The following SLC17A5 variants were observed in gnomAD, a reference collection of about 807,000 sequenced individuals.
SLC17A5 encodes the protein solute carrier family 17 member 5, also known as sialin.
A neutral mutation model predicts 59.4 loss-of-function variants in SLC17A5; 47 were observed. That is an observed-to-expected ratio of 0.79 (90% CI 0.63 to 1.01). The LOEUF (loss-of-function observed/expected upper bound fraction) is 1.01. Among genes scored for constraint, SLC17A5 ranks in the 50% least tolerant of loss-of-function variants. The probability of loss-of-function intolerance (pLI) is 0.00; values close to 1 mark genes in which losing one functional copy is unlikely to be tolerated. For missense variants in SLC17A5, 522 were observed against 595.5 expected (o/e 0.88, Z 1.28); for synonymous variants, 202 against 210.7 (o/e 0.96, Z 0.36).
At chr6:73,618,489 T>TG in intron 7 of SLC17A5, 1 of 487,188 alleles carries the variant, frequency 2.1e-6, no homozygotes, top group Non-Finnish European at 3.9e-6. Context: ...TCTTTACTCA[T>TG]GCACAAACAG....
chr6:73,598,153 A>G (rs1184565981), intron 10 of SLC17A5, among the ~76,000 whole-genome samples: 2 of 152,224 alleles, frequency 1.3e-5, no homozygotes, highest in African/African-American at 2.4e-5. Context: ...CTTAAAATCA[A>G]TCGTTGTACT....
At chr6:73,615,626 G>C (rs1767819502) in intron 7 of SLC17A5, among the ~76,000 whole-genome samples, 179 bp from the exon 8 acceptor site, 1 of 152,124 alleles carries the variant, frequency 6.6e-6, no homozygotes. Context: ...ATAGGGTTCA[G>C]TCCAAGGCAG....
intron 8 of SLC17A5, among the ~76,000 whole-genome samples, chr6:73,613,993 T>C (rs1229100534): frequency 6.6e-6 from 1 of 152,126 alleles, no homozygotes; most frequent in African/African-American, 2.4e-5. Context: ...GGGCTGGGTG[T>C]GGTGCCTCAC....
chr6:73,617,967 C>T (rs887261030), intron 7 of SLC17A5, among the ~76,000 whole-genome samples: 12 of 149,514 alleles, frequency 8.0e-5, no homozygotes, highest in African/African-American at 2.0e-4. Context: ...CATTGGCTCA[C>T]GTCTGTAATC....
intron 1 of SLC17A5, chr6:73,653,531 C>A: frequency 2.1e-6 from 2 of 946,966 alleles, no homozygotes; most frequent in East Asian, 1.2e-4. Flanking sequence ...CGCCCCCGCC[C>A]GGTGGGGCTG....
intron 10 of SLC17A5, among the ~76,000 whole-genome samples, chr6:73,596,355 G>A (rs1288937938): frequency 6.6e-6 from 1 of 152,082 alleles, no homozygotes; most frequent in Admixed American, 6.6e-5. Context: ...GAGAGGCCTG[G>A]CAAGTATAAA....
chr6:73,625,831 G>A (rs1768384178), intron 6 of SLC17A5, among the ~76,000 whole-genome samples: 1 of 152,262 alleles, frequency 6.6e-6, no homozygotes, highest in East Asian at 1.9e-4. Context: ...GTTGTGGGTG[G>A]GTGGGAGGTA....
At chr6:73,616,560 C>CAA (rs1767877919) in intron 7 of SLC17A5, among the ~76,000 whole-genome samples, 1 of 123,144 alleles carries the variant, frequency 8.1e-6, no homozygotes, top group African/African-American at 3.8e-5. Flanking sequence ...CACACACACA[C>CAA]ACACACACAC....
Position 73,638,452 on chromosome 6 carries a change from G to C in SLC17A5, c.573C>G (p.Pro191=), listed in dbSNP as rs924683894. 37 of 1,613,938 alleles carry C rather than the reference G, an allele frequency of 2.3e-5. No individual in the cohort carries two copies. The highest frequency in any genetic ancestry group is 3.1e-5 in the Non-Finnish European group (37 of 1,179,968). The change falls in exon 4 of 11, where the codon CCC becomes CCG. Residue 191 remains proline, a synonymous_variant. Coordinates refer to ENST00000355773, the MANE Select transcript of SLC17A5 (RefSeq NM_012434.5). The part of the protein sequence containing the change: ...AMHAMWSSWA[P]PLERSKLLSI... The stretch of plus-strand genomic sequence containing the variant: ...TAAGAAGTTTGCTTCTTTCAAGAGG[G>C]GGAGCCCAAGAAGACCACATGGCAT...
chr6:73,600,676 T>C (rs1319263838), intron 9 of SLC17A5, among the ~76,000 whole-genome samples: 1 of 151,970 alleles, frequency 6.6e-6, no homozygotes, highest in Non-Finnish European at 1.5e-5. Flanking sequence ...TAGTTTTGTA[T>C]TTTTAGTAGA....
intron 6 of SLC17A5, among the ~76,000 whole-genome samples, chr6:73,624,404 A>G (rs1292884194): frequency 6.6e-6 from 1 of 152,240 alleles, no homozygotes; most frequent in African/African-American, 2.4e-5. Context: ...ACTCTGTCTC[A>G]AAAAATAAAA....
chr6:73,599,541 C>T (rs1014641849), intron 10 of SLC17A5, among the ~76,000 whole-genome samples: 1 of 152,232 alleles, frequency 6.6e-6, no homozygotes, highest in Non-Finnish European at 1.5e-5. Flanking sequence ...AGTGAGCTGA[C>T]TTAGGTTCTG....
chr6:73,635,519 T>C lies in SLC17A5; in HGVS notation c.701-19A>G. Reference sequence around the variant, plus strand: ...ATAGTACCTTAAAATAGAAAAATAATAGTTAGATAAAATTAGAATGTACCA... The same window carrying C: ...ATAGTACCTTAAAATAGAAAAATAACAGTTAGATAAAATTAGAATGTACCA... On this transcript the variant is annotated intron_variant, in intron 5 of 10. Coordinates refer to ENST00000355773, the MANE Select transcript of SLC17A5 (RefSeq NM_012434.5). 2 of 1,227,606 alleles carry C rather than the reference T, an allele frequency of 1.6e-6. No homozygotes were observed. The highest frequency in any genetic ancestry group is 2.3e-6 in the Non-Finnish European group (2 of 852,494). The allele number at this position is 1,227,606 out of a possible 1,614,324, so 76.0% of individuals were successfully genotyped here.
chr6:73,595,692 TTTAGA>T (rs1432981699), intron 10 of SLC17A5, among the ~76,000 whole-genome samples: 5 of 152,034 alleles, frequency 3.3e-5, no homozygotes, highest in South Asian at 2.1e-4. Context: ...AGCTGCACAC[TTTAGA>T]TTAGTGCATT....
At position 73,644,615 on chromosome 6, in the gene SLC17A5, AT is replaced by A. The variant is rs1769450850; in HGVS notation, c.95-13del. ...GCAGCACACTGGAGCTGAAATAAAG[AT>A]TGGGGAAAATTTTTATTTATTTTTA... On this transcript the variant is annotated splice_polypyrimidine_tract_variant and intron_variant, in intron 1 of 10. Transcript: ENST00000355773. 6.2e-7 allele frequency: 1 copy of A among 1,608,708 alleles called. No individual in the cohort carries two copies. Among genetic ancestry groups the A allele is most frequent in the Non-Finnish European group, 8.5e-7 (1 of 1,176,698 alleles).
Position 73,605,413 on chromosome 6 carries a change from A to G in SLC17A5, c.1260-4972T>C, listed in dbSNP as rs145369722. On this transcript the variant is annotated intron_variant, in intron 9 of 10. Transcript: ENST00000355773. Reference sequence around the variant, plus strand: ...TTTAACTAGTAGCGTATTACACTGAATGGGCCCTCAGTTGTTACCACAACA... The same window carrying G: ...TTTAACTAGTAGCGTATTACACTGAGTGGGCCCTCAGTTGTTACCACAACA... Among the ~76,000 whole-genome samples the G allele has an allele frequency of 2.0e-5, 3 of 152,184 alleles. No individual in the cohort carries two copies. In the East Asian group the frequency reaches 5.8e-4, roughly 29 times the overall value.
chr6:73,642,310 A>G (rs1769325293), intron 2 of SLC17A5, among the ~76,000 whole-genome samples: 4 of 152,168 alleles, frequency 2.6e-5, no homozygotes, highest in Admixed American at 1.3e-4. Context: ...CTCCCAAAAA[A>G]AGAGTCACAG....
chr6:73,601,398 T>C (rs1767080170), intron 9 of SLC17A5, among the ~76,000 whole-genome samples: 2 of 134,636 alleles, frequency 1.5e-5, no homozygotes, highest in Admixed American at 7.3e-5. Context: ...AGCCGCCCCG[T>C]CCGGGAGGGA....
intron 6 of SLC17A5, among the ~76,000 whole-genome samples, chr6:73,622,613 A>T (rs924205953): frequency 1.3e-5 from 2 of 152,168 alleles, no homozygotes. Context: ...TCTAAAATAT[A>T]GTTTCACGGT....
Sources: allele counts gnomAD v4.1 joint callset (sites outside exome capture counted in the v4.1 genomes callset), GRCh38; gene constraint gnomAD v4.1.1; transcripts MANE v1.5; gene names NCBI Gene and HGNC (gene_info 2026-07-23, HGNC 2026-07-21).